Variants in LONP1 observed in about 807,000 individuals in gnomAD.
LONP1 encodes the protein lon peptidase 1, mitochondrial.
LONP1 carries 31 observed loss-of-function variants against 98.5 expected under a neutral mutation model. The ratio of observed to expected loss-of-function variants is 0.31; its 90% confidence interval spans 0.24 to 0.42. The LOEUF is 0.42. Among genes scored for constraint, LONP1 ranks in the 20% least tolerant of loss-of-function variants. LONP1 has a pLI of 1.00. For synonymous variants in LONP1, 781 were observed against 594.7 expected (o/e 1.31, Z -4.56); for missense variants, 1,336 against 1,350.6 (o/e 0.99, Z 0.17).
In LONP1 at chr19:5,696,006, G is replaced by A. The variant is rs763288707; in HGVS notation, c.2013+48C>T. On this transcript the variant is annotated intron_variant, in intron 13 of 17. Transcript: ENST00000360614. ...ACGGCCTCTGCAGGCTCTGGGGGGC[G>A]CCCCCTGCTCTGGGAAGGGGACAGC... The A allele has an allele frequency of 1.7e-4, 254 of 1,533,660 alleles. 3 individuals carry two copies. The highest frequency in any genetic ancestry group is 1.1e-4 in the Admixed American group (6 of 55,986).
Position 5,691,942 on chromosome 19 carries a change from C to A in LONP1, c.*90G>T. ...GGACCGAGCTGCTCGCTCGGTGGCT[C>A]CACTGCCAGGTCCGGGCGCGCTCCC... On this transcript the variant is annotated 3_prime_UTR_variant, in exon 18 of 18. Transcript: ENST00000360614. 1.0e-6 allele frequency: 1 copy of A among 960,444 alleles called. No homozygotes were observed. Among genetic ancestry groups the A allele is most frequent in the East Asian group, 2.6e-5 (1 of 38,614 alleles). The allele number at this position is 960,444 out of a possible 1,614,324, so 59.5% of individuals were successfully genotyped here.
Position 5,692,149 on chromosome 19 carries a change from G to T in LONP1, c.2763C>A (p.Tyr921Ter). Residue 921 changes from tyrosine to a stop codon, truncating the protein, a stop_gained, in exon 18 of 18, where the codon TAC (tyrosine) becomes TAA (stop). Coordinates refer to ENST00000360614, the MANE Select transcript of LONP1 (RefSeq NM_004793.4). LOFTEE classifies it high-confidence loss of function. ...VLPAENKKDF[Y>*]DLAAFITEGL... ...CCTCGGTGATGAAGGCTGCCAGGTC[G>T]TAGAAGTCCTTCTTGTTCTCGGCTG... 1 of 1,614,114 alleles carries T rather than the reference G, an allele frequency of 6.2e-7. No homozygotes were observed. The highest frequency in any genetic ancestry group is 8.5e-7 in the Non-Finnish European group (1 of 1,179,980).
rs903438485 is a variant in LONP1, at chr19:5,719,614, C to T, written c.429+90G>A. On this transcript the variant is annotated intron_variant, in intron 1 of 17. Coordinates refer to ENST00000360614, the MANE Select transcript of LONP1 (RefSeq NM_004793.4). ...AGAAACTTCATGTCTGAAAAAGTTG[C>T]GAAACACAAGGGCGCTCAAGTGATC... 5 of 1,592,444 alleles carry T rather than the reference C, an allele frequency of 3.1e-6. No individual in the cohort carries two copies. In the African/African-American group the frequency reaches 4.1e-5, roughly 13 times the overall value.
chr19:5,712,430 A>C, intron 3 of LONP1: 1 of 186,448 alleles, frequency 5.4e-6, no homozygotes. Context: ...CATCGCAAAG[A>C]CTGTCCCCAA....
chr19:5,707,591 G>C (rs2055167329), intron 6 of LONP1, 106 bp downstream of exon 6: 1 of 1,237,184 alleles, frequency 8.1e-7, no homozygotes, highest in Admixed American at 1.9e-5. Flanking sequence ...AGGGCAGCCA[G>C]GCATGGGGGA....
chr19:5,707,685 A>ACG lies in LONP1; in HGVS notation c.1062+10_1062+11dup. 1 of 1,603,856 alleles carries ACG rather than the reference A, an allele frequency of 6.2e-7. No individual in the cohort carries two copies. The highest frequency in any genetic ancestry group is 8.5e-7 in the Non-Finnish European group (1 of 1,172,946). ...CCAGGCGTGGGGGGCTGTGGAGGTG[A>ACG]CGAGCACTCACATTGGTCTCTTCCA... On this transcript the variant is annotated intron_variant, in intron 6 of 17. Coordinates refer to ENST00000360614, the MANE Select transcript of LONP1 (RefSeq NM_004793.4).
intron 2 of LONP1, among the ~76,000 whole-genome samples, chr19:5,713,644 C>A (rs2055271533): frequency 6.6e-6 from 1 of 152,184 alleles, no homozygotes; most frequent in African/African-American, 2.4e-5. Flanking sequence ...TCACTGCAAC[C>A]TCCACTTACT....
chr19:5,694,589 T>C, intron 14 of LONP1, 37 bp from the exon 15 acceptor site: 15 of 1,529,358 alleles, frequency 9.8e-6, no homozygotes, highest in Non-Finnish European at 1.3e-5. Flanking sequence ...CACGGGAAGG[T>C]GGGGTGACAG....
intron 17 of LONP1, among the ~76,000 whole-genome samples, chr19:5,692,712 A>C (rs2054850160): frequency 6.6e-6 from 1 of 152,164 alleles, no homozygotes; most frequent in South Asian, 2.1e-4. Flanking sequence ...CTCCATGGAC[A>C]GTGAGCCTCC....
At chr19:5,693,924 C>T (rs1363585929) in intron 15 of LONP1, among the ~76,000 whole-genome samples, 155 bp from the exon 16 acceptor site, 2 of 152,328 alleles carry the variant, frequency 1.3e-5, no homozygotes, top group East Asian at 1.9e-4. Flanking sequence ...CAACGCTGGC[C>T]TCTACGTTTG....
chr19:5,713,414 G>A (rs1320085782), intron 2 of LONP1, among the ~76,000 whole-genome samples, 161 bp from the exon 3 acceptor site: 1 of 152,200 alleles, frequency 6.6e-6, no homozygotes, highest in African/African-American at 2.4e-5. Context: ...CCAGAGCCTA[G>A]GGGAGCTTCT....
chr19:5,714,087 G>T, intron 2 of LONP1, 96 bp downstream of exon 2: 1 of 909,622 alleles, frequency 1.1e-6, no homozygotes, highest in Non-Finnish European at 1.7e-6. Flanking sequence ...TTTCCTCGGG[G>T]TCAGGGGTCA....
intron 8 of LONP1, among the ~76,000 whole-genome samples, chr19:5,703,180 CAAA>C (rs35471644): frequency 1.2e-4 from 9 of 77,084 alleles, no homozygotes; most frequent in Admixed American, 1.5e-4. Flanking sequence ...GACTCCATCT[CAAA>C]AAAAAAAAAA....
At chr19:5,692,873 CTG>C (rs1297418889) in intron 17 of LONP1, among the ~76,000 whole-genome samples, 2 of 152,154 alleles carry the variant, frequency 1.3e-5, no homozygotes, top group African/African-American at 2.4e-5. Context: ...GTGGTCCAGT[CTG>C]GGGACAGGCA....
At chr19:5,710,476 G>A (rs2055220330) in intron 4 of LONP1, among the ~76,000 whole-genome samples, 1 of 152,002 alleles carries the variant, frequency 6.6e-6, no homozygotes, top group African/African-American at 2.4e-5. Context: ...GCTCACTGCA[G>A]CCTCAATCTC....
At chr19:5,705,739 T>A in intron 8 of LONP1, 33 bp downstream of exon 8, 1 of 1,604,378 alleles carries the variant, frequency 6.2e-7, no homozygotes, top group Non-Finnish European at 8.5e-7. Context: ...AGGGGTCACC[T>A]GAGGGCTGGG....
At chr19:5,707,857 C>T in intron 5 of LONP1, 31 bp from the exon 6 acceptor site, 1 of 1,610,048 alleles carries the variant, frequency 6.2e-7, no homozygotes, top group East Asian at 2.2e-5. Context: ...CCTCGGTGGC[C>T]AGGGCCTCAC....
chr19:5,713,008 T>G (rs574523953), intron 3 of LONP1, 126 bp downstream of exon 3: 5 of 1,316,974 alleles, frequency 3.8e-6, no homozygotes, highest in African/African-American at 2.9e-5. Context: ...CTGGCCTCAG[T>G]GCTAGTGAGA....
intron 9 of LONP1, among the ~76,000 whole-genome samples, chr19:5,699,408 A>T (rs1397620099): frequency 6.6e-6 from 1 of 152,116 alleles, no homozygotes. Context: ...TAACAATTTA[A>T]CACCAAAGGA....
Sources: allele counts gnomAD v4.1 joint callset (sites outside exome capture counted in the v4.1 genomes callset), GRCh38; gene constraint gnomAD v4.1.1; transcripts MANE v1.5; gene names NCBI Gene and HGNC (gene_info 2026-07-23, HGNC 2026-07-21).